ERBB4: variants seen among roughly 807,000 people sequenced by gnomAD.
The protein encoded by ERBB4 is receptor tyrosine-protein kinase erbB-4.
ERBB4 carries 42 observed loss-of-function variants against 158.0 expected under a neutral mutation model. That is an observed-to-expected ratio of 0.27 (90% CI 0.21 to 0.34). The LOEUF is 0.34. Ranked by LOEUF, ERBB4 falls within the 10% of genes least tolerant of loss-of-function variation. The pLI, the probability that ERBB4 is intolerant of heterozygous loss-of-function variation, is 1.00. For missense variants in ERBB4, 1,333 were observed against 1,624.1 expected, an observed-to-expected ratio of 0.82 and a Z score of 3.08; for synonymous variants, 583 against 558.7, an observed-to-expected ratio of 1.04 and a Z score of -0.61.
intron 2 of ERBB4, among the ~76,000 whole-genome samples, chr2:211,985,286 G>T (rs1020624351): frequency 6.6e-6 from 1 of 152,136 alleles, no homozygotes; most frequent in African/African-American, 2.4e-5. Flanking sequence ...AAGGAAGGGA[G>T]TAAGAGAGGA....
intron 27 of ERBB4, among the ~76,000 whole-genome samples, chr2:211,385,788 T>A (rs1391194902): frequency 6.6e-6 from 1 of 152,144 alleles, no homozygotes; most frequent in Non-Finnish European, 1.5e-5. Context: ...TATATAGCTG[T>A]CCAATAACTT....
intron 19 of ERBB4, among the ~76,000 whole-genome samples, chr2:211,578,109 AG>A (rs1319758315): frequency 1.3e-5 from 2 of 152,182 alleles, no homozygotes; most frequent in African/African-American, 4.8e-5. Flanking sequence ...GCGAAGTCTC[AG>A]GATATAAAAT....
intron 3 of ERBB4, among the ~76,000 whole-genome samples, chr2:211,925,314 T>C (rs1312911950): frequency 6.6e-6 from 1 of 151,962 alleles, no homozygotes; most frequent in African/African-American, 2.4e-5. Context: ...TACCAACTTA[T>C]TCCTGCTTCT....
At chr2:211,449,968 C>T (rs183870348) in intron 20 of ERBB4, among the ~76,000 whole-genome samples, 1 of 152,284 alleles carries the variant, frequency 6.6e-6, no homozygotes, top group African/African-American at 2.4e-5. Flanking sequence ...ATGATAAACA[C>T]TGTCCTAAGC....
chr2:212,145,771 T>C (rs895125964), intron 1 of ERBB4, among the ~76,000 whole-genome samples: 14 of 151,150 alleles, frequency 9.3e-5, no homozygotes, highest in African/African-American at 3.4e-4. Context: ...GTTCATTCTG[T>C]TGTACTTTCT....
chr2:211,724,440 A>G (rs1393116983), intron 6 of ERBB4, among the ~76,000 whole-genome samples: 1 of 151,810 alleles, frequency 6.6e-6, no homozygotes, highest in Non-Finnish European at 1.5e-5. Context: ...TCAACTATAT[A>G]AACATTTGTG....
In ERBB4 at chr2:211,952,877, GA is replaced by G. The variant is rs972015653; in HGVS notation, c.235-5262del. Among the ~76,000 whole-genome samples, 559 of 147,266 alleles carry G rather than the reference GA, an allele frequency of 3.8e-3. 9 individuals carry two copies. The South Asian group carries it at 0.042, about 11-fold the overall frequency. On this transcript the variant is annotated intron_variant, in intron 2 of 27. Transcript: ENST00000342788. ...GAACTGCCTGCAGACAATCTGAGCA[GA>G]AAAAAAAAAATTATAATATCATTAC...
chr2:211,528,828 T>C (rs1229124438), intron 20 of ERBB4, among the ~76,000 whole-genome samples: 2 of 151,634 alleles, frequency 1.3e-5, no homozygotes, highest in African/African-American at 2.4e-5. Context: ...GAGAACAACA[T>C]ACCAAAACCT....
At chr2:211,893,255 G>C (rs1307091034) in intron 3 of ERBB4, among the ~76,000 whole-genome samples, 1 of 143,784 alleles carries the variant, frequency 7.0e-6, no homozygotes, top group East Asian at 1.9e-4. Context: ...AAATAACACC[G>C]CATATCTACA....
chr2:212,281,165 A>G (rs2085744520), intron 1 of ERBB4, among the ~76,000 whole-genome samples: 1 of 151,604 alleles, frequency 6.6e-6, no homozygotes, highest in Non-Finnish European at 1.5e-5. Context: ...ACAGATCTCA[A>G]TTTGCTCTTC....
At chr2:211,947,200 C>T (rs2080724618) in intron 3 of ERBB4, among the ~76,000 whole-genome samples, 3 of 152,086 alleles carry the variant, frequency 2.0e-5, no homozygotes, top group African/African-American at 4.8e-5. Flanking sequence ...AGAGTTTACT[C>T]CTGTTCAGCT....
chr2:212,092,110 G>A (rs2078797448), intron 2 of ERBB4, among the ~76,000 whole-genome samples: 1 of 152,062 alleles, frequency 6.6e-6, no homozygotes. Context: ...ATGTCCTATG[G>A]GAAACAAATG....
At chr2:211,390,871 C>T (rs1382201974) in intron 25 of ERBB4, among the ~76,000 whole-genome samples, 1 of 152,138 alleles carries the variant, frequency 6.6e-6, no homozygotes, top group Non-Finnish European at 1.5e-5. Context: ...CTTTAGCATT[C>T]ATTGTTTTTA....
intron 2 of ERBB4, among the ~76,000 whole-genome samples, chr2:211,972,385 C>A (rs1261997807): frequency 6.6e-6 from 1 of 152,188 alleles, no homozygotes; most frequent in Admixed American, 6.5e-5. Flanking sequence ...ACATTCTTCA[C>A]AGAATTAGAG....
chr2:212,013,291 C>T (rs995191685), intron 2 of ERBB4, among the ~76,000 whole-genome samples: 11 of 151,944 alleles, frequency 7.2e-5, no homozygotes, highest in South Asian at 2.1e-4. Flanking sequence ...TTTAACATTC[C>T]GAAGAAGATT....
rs192104146 is a variant in ERBB4, at chr2:211,583,773, G to C, written c.2302-21685C>G. ...TTTACGAATAAAGAAATCATAAAGA[G>C]GTCACAGTAGTTATTTTTTGTCAAT... On this transcript the variant is annotated intron_variant, in intron 19 of 27. Transcript: ENST00000342788. 3.8e-3 allele frequency among the ~76,000 whole-genome samples: 571 copies of C among 151,032 alleles called. 4 individuals carry two copies. Among genetic ancestry groups the C allele is most frequent in the African/African-American group, 0.013 (545 of 41,254 alleles).
At chr2:212,424,835 A>T (rs1411527698) in intron 1 of ERBB4, among the ~76,000 whole-genome samples, 1 of 152,138 alleles carries the variant, frequency 6.6e-6, no homozygotes, top group African/African-American at 2.4e-5. Flanking sequence ...TAAACAAAGA[A>T]AAAGCCTTTT....
chr2:212,401,639 C>A (rs1031158815), intron 1 of ERBB4, among the ~76,000 whole-genome samples: 2 of 152,008 alleles, frequency 1.3e-5, no homozygotes, highest in Non-Finnish European at 2.9e-5. Flanking sequence ...GTTCTCATTT[C>A]AGAGAAGAAA....
intron 1 of ERBB4, among the ~76,000 whole-genome samples, chr2:212,240,662 A>AAAAAAAAAAAAAAAAAAAAAAACAAAAAC (rs1559823282): frequency 6.8e-6 from 1 of 147,358 alleles, no homozygotes; most frequent in African/African-American, 2.5e-5. Context: ...AAAAAAAAAA[A>AAAAAAAAAAAAAAAAAAAAAAACAAAAAC]AAAAACAGAA....
Sources: gnomAD v4.1 joint callset for allele counts (sites outside exome capture counted in the v4.1 genomes callset) on GRCh38, gnomAD v4.1.1 for gene constraint, MANE v1.5 for transcripts, NCBI Gene and HGNC (gene_info 2026-07-23, HGNC 2026-07-21) for gene names.